Variants in PLPPR2 observed in about 807,000 individuals in gnomAD.
PLPPR2 encodes phospholipid phosphatase related 2.
Under a neutral mutation model 40.3 loss-of-function variants are expected in PLPPR2, and 11 were observed. The ratio of observed to expected loss-of-function variants is 0.27; its 90% CI spans 0.17 to 0.45. The LOEUF is 0.45. Ranked by LOEUF, PLPPR2 falls within the 20% of genes least tolerant of loss-of-function variation. The pLI is 1.00. For synonymous variants in PLPPR2, 260 were observed against 290.8 expected, an observed-to-expected ratio of 0.89 and a Z score of 1.08; for missense variants, 497 against 640.7, an observed-to-expected ratio of 0.78 and a Z score of 2.42.
chr19:11,359,694 C>T lies in PLPPR2; in HGVS notation c.229C>T (p.Leu77=), dbSNP rs72992932. The T allele has an allele frequency of 4.4e-5, 71 of 1,602,638 alleles. No homozygotes were observed. Among genetic ancestry groups the T allele is most frequent in the Non-Finnish European group, 5.8e-5 (68 of 1,173,230 alleles). Residue 77 remains leucine (L), a synonymous_variant, in exon 4 of 10, where the codon CTG becomes TTG. Coordinates refer to ENST00000688289, the MANE Select transcript of PLPPR2 (RefSeq NM_001393892.1). The surrounding 1 kb of genome is among the most constrained non-coding windows in gnomAD (Gnocchi z 5.6). Reference sequence around the variant, plus strand: ...AGTGCCTCCTGCTCTTGTCTACGCACTGGTCACTGCCGGGCCCACCCTCAC... The same window carrying T: ...AGTGCCTCCTGCTCTTGTCTACGCATTGGTCACTGCCGGGCCCACCCTCAC... ...SRVPPALVYA[L]VTAGPTLTIL...
chr19:11,359,547 A>G lies in PLPPR2; in HGVS notation c.82A>G (p.Ile28Val), dbSNP rs1414366041. ...TTGGTGGCAGTCGGTGCTGCTGGGC[A>G]TTGTGATCCTGCTTGCTTACCGCCT... ...FVFVESVLLG[I>V]VILLAYRLEF... The change falls in exon 4 of 10, where the codon ATT becomes GTT. Residue 28 changes from isoleucine (I) to valine (V), a missense_variant. Physicochemically the swap from Ile to Val is conservative, Grantham distance 29. Coordinates refer to ENST00000688289, the MANE Select transcript of PLPPR2 (RefSeq NM_001393892.1). This position sits in a 1 kb window ranked among gnomAD's most constrained non-coding sequence, Gnocchi z 5.6. The G allele has an allele frequency of 8.9e-6, 14 of 1,570,076 alleles. No homozygotes were observed. The highest frequency in any genetic ancestry group is 1.2e-5 in the South Asian group (1 of 83,624).
chr19:11,363,701 C>T lies in PLPPR2; in HGVS notation c.841-12C>T, dbSNP rs1312745900. 1.2e-6 allele frequency: 2 copies of T among 1,608,472 alleles called. No homozygotes were observed. Among genetic ancestry groups the T allele is most frequent in the Non-Finnish European group, 1.7e-6 (2 of 1,175,656 alleles). Reference sequence around the variant, plus strand: ...CCCCAGGCCTCAACACTCTCCTCTCCCTCTATTCCAGGTCACCTGCGTTGT... The same window carrying T: ...CCCCAGGCCTCAACACTCTCCTCTCTCTCTATTCCAGGTCACCTGCGTTGT... On this transcript the variant is annotated splice_polypyrimidine_tract_variant and intron_variant, in intron 7 of 9. Coordinates refer to ENST00000688289, the MANE Select transcript of PLPPR2 (RefSeq NM_001393892.1). This position sits in a 1 kb window ranked among gnomAD's most constrained non-coding sequence, Gnocchi z 4.8.
In PLPPR2 at chr19:11,361,956, G is replaced by T. The variant is rs1235714172; in HGVS notation, c.663+468G>T. ...CTTGTTCCCTCCTGTTGTAGCCCTG[G>T]CCACGCCCCTTGCTCTTAACTGCTC... On this transcript the variant is annotated intron_variant, in intron 6 of 9. Transcript: ENST00000688289. This position sits in a 1 kb window ranked among gnomAD's most constrained non-coding sequence, Gnocchi z 6.3. Among the ~76,000 whole-genome samples, 1 of 151,196 alleles carries T rather than the reference G, an allele frequency of 6.6e-6. No homozygotes were observed. Among genetic ancestry groups the T allele is most frequent in the East Asian group, 1.9e-4 (1 of 5,154 alleles).
At position 11,359,816 on chromosome 19, in the gene PLPPR2, C is replaced by T. The variant is rs1258810389; in HGVS notation, c.256-5C>T. ...CAGAAGACTCCATCTTGGTCTTGCC[C>T]ACAGATCCTGCTGGGAGAGCTGGCG... On this transcript the variant is annotated splice_region_variant and splice_polypyrimidine_tract_variant and intron_variant, in intron 4 of 9. Transcript: ENST00000688289. This position sits in a 1 kb window ranked among gnomAD's most constrained non-coding sequence, Gnocchi z 5.6. 1 of 1,608,822 alleles carries T rather than the reference C, an allele frequency of 6.2e-7. No homozygotes were observed. Among genetic ancestry groups the T allele is most frequent in the South Asian group, 1.1e-5 (1 of 90,538 alleles).
chr19:11,364,474 GCCCCTA>G lies in PLPPR2; in HGVS notation c.1149_1154del (p.Leu385_Pro386del), dbSNP rs1401371801. The G allele has an allele frequency of 2.4e-5, 37 of 1,517,112 alleles. No homozygotes were observed. The highest frequency in any genetic ancestry group is 3.1e-5 in the Non-Finnish European group (35 of 1,138,342). 94.0% of individuals were successfully genotyped at this position (1,517,112 alleles called of 1,614,324 possible). The stretch of plus-strand genomic sequence containing the variant: ...GGTCTGAGCCGACGCCCTTGCCCCT[GCCCCTA>G]CCCCTGCCAGCGCCCACCCCCAGCC... On this transcript the variant is annotated inframe_deletion, in exon 10 of 10. Coordinates refer to ENST00000688289, the MANE Select transcript of PLPPR2 (RefSeq NM_001393892.1). The surrounding 1 kb of genome is among the most constrained non-coding windows in gnomAD (Gnocchi z 5.8).
Position 11,362,411 on chromosome 19 carries a change from A to G in PLPPR2, c.664-102A>G. On this transcript the variant is annotated intron_variant, in intron 6 of 9. Transcript: ENST00000688289. This position sits in a 1 kb window ranked among gnomAD's most constrained non-coding sequence, Gnocchi z 5.3. ...CCTGGAGCCCCTGGCCACTCCCTCC[A>G]GCCCCAACGCTCTGGCCATGCGCTC... The G allele has an allele frequency of 7.3e-7, 1 of 1,361,294 alleles. No homozygotes were observed. Among genetic ancestry groups the G allele is most frequent in the Non-Finnish European group, 1.0e-6 (1 of 994,236 alleles). 84.3% of individuals were successfully genotyped at this position (1,361,294 alleles called of 1,614,324 possible). A position where few individuals can be genotyped will look rare whatever the true frequency, so the allele number is the denominator to read the frequency against.
Position 11,362,615 on chromosome 19 carries a change from G to A in PLPPR2, c.766G>A (p.Val256Met). 2 of 1,613,760 alleles carry A rather than the reference G, an allele frequency of 1.2e-6. No homozygotes were observed. The highest frequency in any genetic ancestry group is 1.7e-6 in the Non-Finnish European group (2 of 1,180,000). Residue 256 changes from valine to methionine, a missense_variant, in exon 7 of 10, where the codon GTG becomes ATG. Val to Met is a conservative substitution (Grantham distance 21). Transcript: ENST00000688289. The surrounding 1 kb of genome is among the most constrained non-coding windows in gnomAD (Gnocchi z 5.3). ...GGCCTTCCTGGTGGGCGTGGTCCGC[G>A]TGGCCGAGTACCGAAACCACTGGTC... ...CPAFLVGVVRVAEYRNHWSDV... is the reference protein window; with the variant it reads ...CPAFLVGVVRMAEYRNHWSDV...
Position 11,361,289 on chromosome 19 carries a change from C to T in PLPPR2, c.464C>T (p.Thr155Met). The T allele has an allele frequency of 1.2e-6, 2 of 1,613,720 alleles. No homozygotes were observed. Among genetic ancestry groups the T allele is most frequent in the Non-Finnish European group, 1.7e-6 (2 of 1,179,948 alleles). Residue 155 changes from threonine to methionine, a missense_variant, in exon 6 of 10, where the codon ACG becomes ATG. Transcript: ENST00000688289. The surrounding 1 kb of genome is among the most constrained non-coding windows in gnomAD (Gnocchi z 6.3). ...GGGCAGGTGGTGACCGGCAATCCCA[C>T]GCCACACTTCCTGTCCGTGTGCCGC... ...NAGQVVTGNP[T>M]PHFLSVCRPN...
rs1166981135 is a variant in PLPPR2 at position 11,364,154 on chromosome 19, G to A, written c.964-7G>A. On this transcript the variant is annotated splice_region_variant and splice_polypyrimidine_tract_variant and intron_variant, in intron 8 of 9. Coordinates refer to ENST00000688289, the MANE Select transcript of PLPPR2 (RefSeq NM_001393892.1). This position sits in a 1 kb window ranked among gnomAD's most constrained non-coding sequence, Gnocchi z 5.8. ...ACTAGCCCCTTCCGTCTGTCTCTTT[G>A]TCTCAGGAACCCGAGGTCTGCAGGC... 6 of 1,610,340 alleles carry A rather than the reference G, an allele frequency of 3.7e-6. No individual in the cohort carries two copies. Among genetic ancestry groups the A allele is most frequent in the Non-Finnish European group, 5.1e-6 (6 of 1,177,640 alleles).
Position 11,365,507 on chromosome 19 carries a change from A to G in PLPPR2, c.*817A>G, listed in dbSNP as rs1182812435. The G allele has an allele frequency of 6.6e-6, 1 of 152,620 alleles. No individual in the cohort carries two copies. Among genetic ancestry groups the G allele is most frequent in the African/African-American group, 2.4e-5 (1 of 41,408 alleles). The allele number at this position is 152,620 out of a possible 1,614,324, so 9.5% of individuals were successfully genotyped here. On this transcript the variant is annotated 3_prime_UTR_variant, in exon 10 of 10. Coordinates refer to ENST00000688289, the MANE Select transcript of PLPPR2 (RefSeq NM_001393892.1). ...TTCTTGGAACCTGCCCCTGTTCTTC[A>G]CACTGCCCCCCATGCCTCAGCCTCA...
chr19:11,363,775 G>A lies in PLPPR2; in HGVS notation c.903G>A (p.Trp301Ter). ...CCTCTGGCCGAAGGCTCTCTCCCTG[G>A]GAGGACCTGGGCCAAGCCCCCACCA... The part of the protein sequence containing the change: ...RPPSGRRLSP[W>*]EDLGQAPTMD... The change falls in exon 8 of 10, where the codon TGG becomes TGA. Residue 301 changes from tryptophan to a stop codon, truncating the protein, a stop_gained. Coordinates refer to ENST00000688289, the MANE Select transcript of PLPPR2 (RefSeq NM_001393892.1). LOFTEE classifies it high-confidence loss of function. This position sits in a 1 kb window ranked among gnomAD's most constrained non-coding sequence, Gnocchi z 4.8. 1 of 1,614,164 alleles carries A rather than the reference G, an allele frequency of 6.2e-7. No individual in the cohort carries two copies. The highest frequency in any genetic ancestry group is 8.5e-7 in the Non-Finnish European group (1 of 1,180,006).
chr19:11,361,625 C>A lies in PLPPR2; in HGVS notation c.663+137C>A. The A allele has an allele frequency of 8.1e-7, 1 of 1,240,558 alleles. No homozygotes were observed. The highest frequency in any genetic ancestry group is 1.1e-6 in the Non-Finnish European group (1 of 918,350). 76.8% of individuals were successfully genotyped at this position (1,240,558 alleles called of 1,614,324 possible). A position where few individuals can be genotyped will look rare whatever the true frequency, so the allele number is the denominator to read the frequency against. On this transcript the variant is annotated intron_variant, in intron 6 of 9. Transcript: ENST00000688289. The surrounding 1 kb of genome is among the most constrained non-coding windows in gnomAD (Gnocchi z 6.3). Reference sequence around the variant, plus strand: ...TGGAAGCTCTCGCTCCACGCCCCGACCTGTTGGAAGCTCTCCCTCCTCCTC... The same window carrying A: ...TGGAAGCTCTCGCTCCACGCCCCGAACTGTTGGAAGCTCTCCCTCCTCCTC...
chr19:11,359,878 G>A lies in PLPPR2; in HGVS notation c.313G>A (p.Val105Ile), dbSNP rs778099546. The stretch of plus-strand genomic sequence containing the variant: ...CCCTGCACCACCTTCAGCCGTCCCA[G>A]TCATCGGGGAGAGCACCATCGTGTC... ...FFPAPPSAVP[V>I]IGESTIVSGA... The change falls in exon 5 of 10, where the codon GTC (valine) becomes ATC (isoleucine). Residue 105 changes from valine (V) to isoleucine (I), a missense_variant. Physicochemically the swap from Val to Ile is conservative, Grantham distance 29. Transcript: ENST00000688289. The surrounding 1 kb of genome is among the most constrained non-coding windows in gnomAD (Gnocchi z 5.6). The A allele has an allele frequency of 5.5e-5, 88 of 1,613,804 alleles. No individual in the cohort carries two copies. The highest frequency in any genetic ancestry group is 7.1e-5 in the Non-Finnish European group (84 of 1,179,882).
rs997574645 is a variant in PLPPR2, at chr19:11,365,041, T to G, written c.*351T>G. On this transcript the variant is annotated 3_prime_UTR_variant, in exon 10 of 10. Coordinates refer to ENST00000688289, the MANE Select transcript of PLPPR2 (RefSeq NM_001393892.1). ...GCCTTCCCCTCACTTCTTAGAATCC[T>G]CCTGCAAGAGGGCAACTCCAGCCAG... 12 of 321,184 alleles carry G rather than the reference T, an allele frequency of 3.7e-5. No homozygotes were observed. The highest frequency in any genetic ancestry group is 2.6e-4 in the African/African-American group (12 of 45,358). 19.9% of individuals were successfully genotyped at this position (321,184 alleles called of 1,614,324 possible).
rs1599410269 is a variant in PLPPR2 at position 11,365,081 on chromosome 19, A to C, written c.*391A>C. ...ACTCCAGCCAGTGTTCAGCGACTGA[A>C]CAGCCAATAGGAGCCCTTGGTTTCC... On this transcript the variant is annotated 3_prime_UTR_variant, in exon 10 of 10. Transcript: ENST00000688289. The C allele has an allele frequency of 3.9e-6, 1 of 258,282 alleles. No homozygotes were observed. Among genetic ancestry groups the C allele is most frequent in the Non-Finnish European group, 7.4e-6 (1 of 135,286 alleles). 16.0% of individuals were successfully genotyped at this position (258,282 alleles called of 1,614,324 possible).
chr19:11,360,331 G>A (rs1276098271), intron 5 of PLPPR2, among the ~76,000 whole-genome samples: 1 of 151,830 alleles, frequency 6.6e-6, no homozygotes, highest in Non-Finnish European at 1.5e-5. Flanking sequence ...AGCTGGGCAT[G>A]GTGGTACATG....
rs1968103492 is a variant in PLPPR2, at chr19:11,363,329, G to A, written c.841-384G>A. Reference sequence around the variant, plus strand: ...GCTGGGAATGGTGGTGCACACCTGTGGTCCCAGCTACTCAGGAGGCTGAGG... The same window carrying A: ...GCTGGGAATGGTGGTGCACACCTGTAGTCCCAGCTACTCAGGAGGCTGAGG... On this transcript the variant is annotated intron_variant, in intron 7 of 9. Coordinates refer to ENST00000688289, the MANE Select transcript of PLPPR2 (RefSeq NM_001393892.1). The surrounding 1 kb of genome is among the most constrained non-coding windows in gnomAD (Gnocchi z 4.8). Among the ~76,000 whole-genome samples, 1 of 151,244 alleles carries A rather than the reference G, an allele frequency of 6.6e-6. No homozygotes were observed. The highest frequency in any genetic ancestry group is 6.6e-5 in the Admixed American group (1 of 15,160).
chr19:11,361,237 T>C lies in PLPPR2; in HGVS notation c.412T>C (p.Phe138Leu), dbSNP rs1968032688. 6.2e-7 allele frequency: 1 copy of C among 1,611,382 alleles called. No individual in the cohort carries two copies. Among genetic ancestry groups the C allele is most frequent in the African/African-American group, 1.3e-5 (1 of 74,910 alleles). ...RFLGVYSFGL[F>L]TTTIFANAGQ... is the part of the protein sequence containing the mutation. ...CCTAGGGGTCTACTCCTTCGGCCTC[T>C]TCACCACGACCATCTTCGCCAACGC... The change falls in exon 6 of 10, where the codon TTC becomes CTC. Residue 138 changes from phenylalanine (F) to leucine (L), a missense_variant. Coordinates refer to ENST00000688289, the MANE Select transcript of PLPPR2 (RefSeq NM_001393892.1). This position sits in a 1 kb window ranked among gnomAD's most constrained non-coding sequence, Gnocchi z 6.3.
chr19:11,361,459 C>T lies in PLPPR2; in HGVS notation c.634C>T (p.Leu212Phe), dbSNP rs762975448. 2 of 1,602,654 alleles carry T rather than the reference C, an allele frequency of 1.2e-6. No individual in the cohort carries two copies. The highest frequency in any genetic ancestry group is 1.7e-6 in the Non-Finnish European group (2 of 1,178,802). Residue 212 changes from leucine to phenylalanine, a missense_variant, in exon 6 of 10, where the codon CTC (leucine) becomes TTC (phenylalanine). Physicochemically the swap from Leu to Phe is conservative, Grantham distance 22. Coordinates refer to ENST00000688289, the MANE Select transcript of PLPPR2 (RefSeq NM_001393892.1). This position sits in a 1 kb window ranked among gnomAD's most constrained non-coding sequence, Gnocchi z 6.3. ...CGCCTTCCCCTGCAAGGATGCGGCC[C>T]TCTGCGCCTACGCGGTCACCTACAC... ...RRAFPCKDAALCAYAVTYTAM... is the reference protein window; with the variant it reads ...RRAFPCKDAAFCAYAVTYTAM...
Sources: gnomAD v4.1 joint callset for allele counts (sites outside exome capture counted in the v4.1 genomes callset) on GRCh38, gnomAD v4.1.1 for gene constraint, Gnocchi (gnomAD v3.1) non-coding constraint, MANE v1.5 for transcripts, NCBI Gene and HGNC (gene_info 2026-07-23, HGNC 2026-07-21) for gene names.